CDH13: variants seen among roughly 807,000 people sequenced by gnomAD.
CDH13 encodes the protein cadherin-13.
CDH13 carries 24 observed loss-of-function variants against 63.8 expected under a neutral mutation model. The observed-to-expected ratio is 0.38, with a 90% CI of 0.27 to 0.53. The LOEUF (loss-of-function observed/expected upper bound fraction) is 0.53. Ranked by LOEUF, CDH13 falls within the 20% of genes least tolerant of loss-of-function variation. The probability of loss-of-function intolerance (pLI) is 0.85; values close to 1 mark genes in which losing one functional copy is unlikely to be tolerated. For synonymous variants in CDH13, 503 were observed against 355.3 expected (o/e 1.42, Z -4.67); for missense variants, 1,049 against 903.1 (o/e 1.16, Z -2.07).
At chr16:82,995,155 AC>A (rs1345332758) in intron 2 of CDH13, among the ~76,000 whole-genome samples, 4 of 152,150 alleles carry the variant, frequency 2.6e-5, no homozygotes, top group Non-Finnish European at 5.9e-5. Context: ...GGATGGAGAG[AC>A]CCCAACTAGG....
chr16:82,922,162 GGTTA>G (rs2042176326), intron 2 of CDH13, among the ~76,000 whole-genome samples: 1 of 151,904 alleles, frequency 6.6e-6, no homozygotes, highest in African/African-American at 2.4e-5. Context: ...CTTTTATCTT[GGTTA>G]GTTTAGGTAA....
chr16:82,696,773 A>C (rs1324039922), intron 1 of CDH13, among the ~76,000 whole-genome samples: 1 of 152,196 alleles, frequency 6.6e-6, no homozygotes, highest in South Asian at 2.1e-4. Flanking sequence ...CTTACAAGCA[A>C]GTATTATTAC....
intron 1 of CDH13, among the ~76,000 whole-genome samples, chr16:82,671,428 C>T (rs190259837): frequency 1.3e-5 from 2 of 152,270 alleles, no homozygotes; most frequent in Admixed American, 6.5e-5. Context: ...GGAGTAATTC[C>T]TTAAGCAAAA....
chr16:83,634,843 G>A (rs541114136), intron 8 of CDH13, among the ~76,000 whole-genome samples: 4 of 152,322 alleles, frequency 2.6e-5, no homozygotes, highest in African/African-American at 9.6e-5. Context: ...ACCCACTGAA[G>A]GACATTTGAC....
chr16:83,111,548 G>A (rs9924914), intron 3 of CDH13, among the ~76,000 whole-genome samples: 1,850 of 152,308 alleles, frequency 0.012, 42 homozygotes, highest in African/African-American at 0.041. Flanking sequence ...TGACTCTTCA[G>A]GAGAGCAGAT....
chr16:83,744,044 A>G (rs1157945809), intron 10 of CDH13, among the ~76,000 whole-genome samples: 1 of 152,102 alleles, frequency 6.6e-6, no homozygotes, highest in Non-Finnish European at 1.5e-5. Flanking sequence ...CCTTAAAACA[A>G]GGATGATACC....
At position 82,877,125 on chromosome 16, in the gene CDH13, A is replaced by T. The variant is rs551473327; in HGVS notation, c.157+18652A>T. Reference sequence around the variant, plus strand: ...AAGATGGAAGTCAGAATAGATATTTATAGGGCTTGTAGGGAGGGTATAGCC... The same window carrying T: ...AAGATGGAAGTCAGAATAGATATTTTTAGGGCTTGTAGGGAGGGTATAGCC... On this transcript the variant is annotated intron_variant, in intron 2 of 13. Transcript: ENST00000567109. 8.5e-5 allele frequency among the ~76,000 whole-genome samples: 13 copies of T among 152,376 alleles called. No individual in the cohort carries two copies. The East Asian group carries it at 2.3e-3, about 27-fold the overall frequency.
At chr16:83,177,269 C>T (rs868633823) in intron 4 of CDH13, among the ~76,000 whole-genome samples, 1 of 152,170 alleles carries the variant, frequency 6.6e-6, no homozygotes, top group African/African-American at 2.4e-5. Flanking sequence ...ATTGCTCATG[C>T]TCAGCTGCTT....
intron 5 of CDH13, among the ~76,000 whole-genome samples, chr16:83,295,080 A>G (rs552079167): frequency 6.6e-6 from 1 of 152,316 alleles, no homozygotes; most frequent in Admixed American, 6.5e-5. Context: ...AAACTCATGC[A>G]TCTATGGCCA....
chr16:82,887,595 C>T (rs1414498375), intron 2 of CDH13, among the ~76,000 whole-genome samples: 1 of 152,094 alleles, frequency 6.6e-6, no homozygotes, highest in Non-Finnish European at 1.5e-5. Context: ...CCAAGGTGGG[C>T]AGATCACGTG....
At chr16:83,765,375 T>G (rs144004450) in intron 11 of CDH13, among the ~76,000 whole-genome samples, 138 of 152,344 alleles carry the variant, frequency 9.1e-4, no homozygotes, top group African/African-American at 3.1e-3. Flanking sequence ...GTACAACAGT[T>G]TAGTTTTACA....
rs77827023 is a variant in CDH13, at chr16:82,777,984, T to C, written c.46-80378T>C. ...AGAAAACAGAAGCCACAGTTTTTGA[T>C]AACAGTCATAGAAGAGATGCCCTGA... On this transcript the variant is annotated intron_variant, in intron 1 of 13. Coordinates refer to ENST00000567109, the MANE Select transcript of CDH13 (RefSeq NM_001257.5). Among the ~76,000 whole-genome samples, 21 of 152,282 alleles carry C rather than the reference T, an allele frequency of 1.4e-4. No homozygotes were observed. In the East Asian group the frequency reaches 4.1e-3, roughly 29 times the overall value.
chr16:83,271,990 CT>C (rs2088833623), intron 5 of CDH13, among the ~76,000 whole-genome samples: 1 of 152,164 alleles, frequency 6.6e-6, no homozygotes, highest in Admixed American at 6.5e-5. Context: ...AAACATTTGT[CT>C]TGTGCCTTAC....
At chr16:83,673,847 C>G (rs1170430171) in intron 9 of CDH13, among the ~76,000 whole-genome samples, 8 of 152,214 alleles carry the variant, frequency 5.3e-5, no homozygotes, top group Admixed American at 2.0e-4. Flanking sequence ...CAGTTTCCAT[C>G]AGCTTGTCCG....
At chr16:83,791,811 C>CAAA (rs10548547) in intron 13 of CDH13, among the ~76,000 whole-genome samples, 2 of 94,868 alleles carry the variant, frequency 2.1e-5, no homozygotes, top group Non-Finnish European at 4.3e-5. Flanking sequence ...ACTTTGTCTC[C>CAAA]AAAAAAAAAA....
rs554377228 is a variant in CDH13 at position 82,645,772 on chromosome 16, C to T, written c.45+18635C>T. On this transcript the variant is annotated intron_variant, in intron 1 of 13. Transcript: ENST00000567109. Reference sequence around the variant, plus strand: ...ATGTATAATTTTTCAAAAGGTAAAACCAAGACTCTTGGGTAAATACGCACT... The same window carrying T: ...ATGTATAATTTTTCAAAAGGTAAAATCAAGACTCTTGGGTAAATACGCACT... Among the ~76,000 whole-genome samples, 9 of 152,266 alleles carry T rather than the reference C, an allele frequency of 5.9e-5. No individual in the cohort carries two copies. In the South Asian group the frequency reaches 1.9e-3, roughly 32 times the overall value.
chr16:83,709,817 T>C (rs996552564), intron 10 of CDH13, among the ~76,000 whole-genome samples: 4 of 152,262 alleles, frequency 2.6e-5, no homozygotes, highest in Non-Finnish European at 4.4e-5. Context: ...ATCAGACATA[T>C]GGAAAATCTA....
At chr16:83,494,298 C>T (rs553620971) in intron 7 of CDH13, among the ~76,000 whole-genome samples, 10 of 152,120 alleles carry the variant, frequency 6.6e-5, no homozygotes, top group African/African-American at 1.4e-4. Flanking sequence ...AAGTTCTTTT[C>T]GAGAGCTGTT....
rs1357262693 is a variant in CDH13, at chr16:83,783,249, T to C, written c.1916-5T>C. 1.2e-6 allele frequency: 2 copies of C among 1,610,260 alleles called. No homozygotes were observed. Among genetic ancestry groups the C allele is most frequent in the Non-Finnish European group, 1.7e-6 (2 of 1,176,870 alleles). ...CTCTCACCAGAACCCTCCTTGCCTT[T>C]ACAGATACACACGCCCTGGTAAGCC... On this transcript the variant is annotated splice_region_variant and splice_polypyrimidine_tract_variant and intron_variant, in intron 12 of 13. Transcript: ENST00000567109.
Sources: gnomAD v4.1 joint callset for allele counts (sites outside exome capture counted in the v4.1 genomes callset) on GRCh38, gnomAD v4.1.1 for gene constraint, MANE v1.5 for transcripts, NCBI Gene and HGNC (gene_info 2026-07-23, HGNC 2026-07-21) for gene names.